Variants in ADAM32 observed in about 807,000 individuals in gnomAD.
ADAM32 encodes disintegrin and metalloproteinase domain-containing protein 32.
In ADAM32, 89 loss-of-function variants were observed where a neutral mutation model predicts 114.9. The observed-to-expected ratio is 0.77, with a 90% CI of 0.65 to 0.92. The LOEUF (loss-of-function observed/expected upper bound fraction) is 0.92, where lower values mean the gene tolerates loss of function less well. Among genes scored for constraint, ADAM32 ranks in the 40% least tolerant of loss-of-function variants. ADAM32 has a pLI of 0.00. For synonymous variants in ADAM32, 285 were observed against 307.5 expected, an observed-to-expected ratio of 0.93 and a Z score of 0.77; for missense variants, 870 against 932.8, an observed-to-expected ratio of 0.93 and a Z score of 0.88.
chr8:39,213,145 A>T (rs1477464746), intron 12 of ADAM32, among the ~76,000 whole-genome samples: 1 of 152,096 alleles, frequency 6.6e-6, no homozygotes, highest in African/African-American at 2.4e-5. Context: ...CACCTCACAT[A>T]CTTATTATTT....
chr8:39,241,139 A>G (rs540586633), intron 16 of ADAM32, among the ~76,000 whole-genome samples: 47 of 152,356 alleles, frequency 3.1e-4, no homozygotes, highest in African/African-American at 1.1e-3. Context: ...AAGCTCCAAA[A>G]TGATCTCCTT....
intron 11 of ADAM32, among the ~76,000 whole-genome samples, chr8:39,202,400 C>G (rs886444659): frequency 2.0e-5 from 3 of 152,158 alleles, no homozygotes; most frequent in Admixed American, 1.3e-4. Context: ...TCTAGATTTT[C>G]TAGTTTATTT....
chr8:39,110,962 T>A (rs1245100576), intron 1 of ADAM32, among the ~76,000 whole-genome samples: 2 of 152,254 alleles, frequency 1.3e-5, no homozygotes, highest in Non-Finnish European at 2.9e-5. Context: ...GATTTATCTA[T>A]TCTGGGTATT....
intron 17 of ADAM32, 53 bp from the exon 18 acceptor site, chr8:39,254,361 T>A (rs1469739161): frequency 4.9e-6 from 7 of 1,418,178 alleles, no homozygotes; most frequent in Non-Finnish European, 6.8e-6. Context: ...GATGCTCACC[T>A]TCTCTGAGAA....
chr8:39,160,483 T>C (rs958686664), intron 6 of ADAM32, among the ~76,000 whole-genome samples: 2 of 127,606 alleles, frequency 1.6e-5, no homozygotes, highest in African/African-American at 6.1e-5. Context: ...GAGCTTGCAG[T>C]GAGCTGAGAT....
At chr8:39,228,815 A>G (rs147434411) in intron 14 of ADAM32, among the ~76,000 whole-genome samples, 107 of 152,360 alleles carry the variant, frequency 7.0e-4, no homozygotes, top group African/African-American at 2.5e-3. Context: ...ACATCCAAAT[A>G]CAAGAAGCAC....
chr8:39,275,042 G>A (rs760108753), intron 21 of ADAM32, among the ~76,000 whole-genome samples: 1 of 152,196 alleles, frequency 6.6e-6, no homozygotes, highest in Non-Finnish European at 1.5e-5. Context: ...AGTGCTCCGG[G>A]TTCCCGTGCC....
At chr8:39,276,004 C>T in intron 22 of ADAM32, 138 bp downstream of exon 22, 1 of 661,498 alleles carries the variant, frequency 1.5e-6, no homozygotes, top group Non-Finnish European at 2.4e-6. Context: ...CTTAAAACAA[C>T]CTATTTGCTG....
intron 2 of ADAM32, among the ~76,000 whole-genome samples, chr8:39,124,061 G>A (rs531138250): frequency 6.6e-6 from 1 of 151,672 alleles, no homozygotes; most frequent in South Asian, 2.1e-4. Flanking sequence ...GCATGTACAG[G>A]TTGTGCAGGT....
chr8:39,124,559 A>G (rs180994237), intron 2 of ADAM32, among the ~76,000 whole-genome samples: 1,787 of 152,020 alleles, frequency 0.012, 36 homozygotes, highest in African/African-American at 0.04. Context: ...CTGGGACTAC[A>G]GGCACCTGCC....
At chr8:39,141,140 A>G (rs1235035641) in intron 3 of ADAM32, among the ~76,000 whole-genome samples, 2 of 152,126 alleles carry the variant, frequency 1.3e-5, no homozygotes, top group Non-Finnish European at 2.9e-5. Flanking sequence ...TCAAAAAACC[A>G]GCTCCTGGAT....
At chr8:39,219,539 C>T (rs558382186) in intron 12 of ADAM32, among the ~76,000 whole-genome samples, 66 of 152,278 alleles carry the variant, frequency 4.3e-4, no homozygotes, top group South Asian at 4.1e-4. Flanking sequence ...TGTGTCAGGG[C>T]AACATTGAAT....
At chr8:39,182,625 C>A (rs1345935927) in intron 10 of ADAM32, among the ~76,000 whole-genome samples, 2 of 152,220 alleles carry the variant, frequency 1.3e-5, no homozygotes, top group African/African-American at 4.8e-5. Flanking sequence ...TGAATGTATT[C>A]TTCCTTTCTG....
chr8:39,190,209 T>G (rs1806519076), intron 11 of ADAM32, among the ~76,000 whole-genome samples: 1 of 152,228 alleles, frequency 6.6e-6, no homozygotes, highest in Non-Finnish European at 1.5e-5. Flanking sequence ...TTCATGTTGT[T>G]ACAAATGAAA....
chr8:39,264,506 T>A (rs531544409), intron 19 of ADAM32, among the ~76,000 whole-genome samples: 3 of 152,168 alleles, frequency 2.0e-5, no homozygotes, highest in African/African-American at 7.2e-5. Context: ...AAAGAAACTT[T>A]CGGTTTTATT....
At chr8:39,151,257 A>G in intron 5 of ADAM32, 120 bp from the exon 6 acceptor site, 2 of 845,048 alleles carry the variant, frequency 2.4e-6, no homozygotes, top group South Asian at 4.1e-5. Context: ...TCTCTAAGAC[A>G]GAATTCAGAA....
intron 3 of ADAM32, among the ~76,000 whole-genome samples, chr8:39,142,477 G>A (rs1381520647): frequency 1.3e-5 from 2 of 152,150 alleles, no homozygotes; most frequent in Non-Finnish European, 2.9e-5. Flanking sequence ...AATTTGGCTG[G>A]ATATGAGATT....
At chr8:39,213,944 G>A (rs571627044) in intron 12 of ADAM32, among the ~76,000 whole-genome samples, 1 of 152,244 alleles carries the variant, frequency 6.6e-6, no homozygotes, top group South Asian at 2.1e-4. Context: ...TGCAGTGTTT[G>A]TCTTTCTCTG....
At position 39,232,118 on chromosome 8, in the gene ADAM32, T is replaced by C. The variant is rs1337587203; in HGVS notation, c.1617T>C (p.Tyr539=). The change falls in exon 15 of 25, where the codon TAT becomes TAC. Residue 539 remains tyrosine, a synonymous_variant. Coordinates refer to ENST00000379907, the MANE Select transcript of ADAM32 (RefSeq NM_145004.7). ...GNCGRDRNNK[Y]VFCGWRNLIC... ...GTGGTAGGGATAGAAATAACAAATATGTGTTCTGTGGATGGAGGTATGCTC... is the reference window on the plus strand; with the variant it reads ...GTGGTAGGGATAGAAATAACAAATACGTGTTCTGTGGATGGAGGTATGCTC... The C allele has an allele frequency of 1.1e-5, 18 of 1,601,978 alleles. No homozygotes were observed. Among genetic ancestry groups the C allele is most frequent in the Non-Finnish European group, 1.4e-5 (16 of 1,170,212 alleles).
Sources: allele counts gnomAD v4.1 joint callset (sites outside exome capture counted in the v4.1 genomes callset), GRCh38; gene constraint gnomAD v4.1.1; transcripts MANE v1.5; gene names NCBI Gene and HGNC (gene_info 2026-07-23, HGNC 2026-07-21).